The following PFDN2 variants were observed in gnomAD, a reference collection of about 807,000 sequenced individuals.
The protein encoded by PFDN2 is prefoldin subunit 2.
A neutral mutation model predicts 18.3 loss-of-function variants in PFDN2; 7 were observed. That is an observed-to-expected ratio of 0.38 (90% CI 0.22 to 0.72). The LOEUF (loss-of-function observed/expected upper bound fraction) is 0.72. Among genes scored for constraint, PFDN2 ranks in the 30% least tolerant of loss-of-function variants. PFDN2 has a pLI of 0.47. For synonymous variants in PFDN2, 76 were observed against 75.0 expected (o/e 1.01, Z -0.07); for missense variants, 181 against 199.1 (o/e 0.91, Z 0.55).
intron 1 of PFDN2, among the ~76,000 whole-genome samples, chr1:161,112,136 A>G (rs1051125561): frequency 2.6e-5 from 4 of 152,218 alleles, no homozygotes; most frequent in Non-Finnish European, 2.9e-5. Flanking sequence ...CACAGAATGC[A>G]TAAGTATTAA....
intron 1 of PFDN2, among the ~76,000 whole-genome samples, chr1:161,114,136 A>G (rs1654861300): frequency 1.3e-5 from 2 of 152,208 alleles, no homozygotes; most frequent in Admixed American, 6.5e-5. Flanking sequence ...TCAATTCTCA[A>G]ATCTGTATCT....
intron 1 of PFDN2, 44 bp downstream of exon 1, chr1:161,117,908 C>T: frequency 6.5e-7 from 1 of 1,531,880 alleles, no homozygotes; most frequent in Non-Finnish European, 8.9e-7. Flanking sequence ...CGCTAGTATT[C>T]CAGACCCAGG....
chr1:161,108,778 TTC>T (rs1156825250), intron 1 of PFDN2, among the ~76,000 whole-genome samples: 1 of 152,204 alleles, frequency 6.6e-6, no homozygotes, highest in Non-Finnish European at 1.5e-5. Flanking sequence ...ATTATATCTC[TTC>T]TCTTTCCCCA....
Position 161,102,059 on chromosome 1 carries a change from T to A in PFDN2, c.277A>T (p.Asn93Tyr), listed in dbSNP as rs1326274853. Residue 93 changes from asparagine (N) to tyrosine (Y), a missense_variant, in exon 3 of 4, where the codon AAC (asparagine) becomes TAC (tyrosine). Asn to Tyr is a moderately radical substitution (Grantham distance 143). Coordinates refer to ENST00000368010, the MANE Select transcript of PFDN2 (RefSeq NM_012394.4). The part of the protein sequence containing the change: ...VKEVLPALEN[N>Y]KEQIQKIIET... Reference sequence around the variant, plus strand: ...TGATTCTTGCTCACCTGCTCCTTGTTGTTCTCCAAAGCGGGCAGCACCTCT... The same window carrying A: ...TGATTCTTGCTCACCTGCTCCTTGTAGTTCTCCAAAGCGGGCAGCACCTCT... The A allele has an allele frequency of 1.2e-6, 2 of 1,614,232 alleles. No individual in the cohort carries two copies. Among genetic ancestry groups the A allele is most frequent in the Non-Finnish European group, 1.7e-6 (2 of 1,180,032 alleles).
At chr1:161,103,951 T>C (rs1404013420) in intron 1 of PFDN2, among the ~76,000 whole-genome samples, 3 of 152,272 alleles carry the variant, frequency 2.0e-5, no homozygotes, top group East Asian at 3.8e-4. Flanking sequence ...TTCTTAACCA[T>C]GGCTATATGT....
At position 161,100,877 on chromosome 1, in the gene PFDN2, G is replaced by A; in HGVS notation, c.289-18C>T. 6.3e-7 allele frequency: 1 copy of A among 1,598,218 alleles called. No individual in the cohort carries two copies. On this transcript the variant is annotated intron_variant, in intron 3 of 3. Transcript: ENST00000368010. ...TTCTGTATCTAGAGGACAAGTGACA[G>A]GGATTATATAAGGAATTCAGGACTC...
Position 161,118,013 on chromosome 1 carries a change from C to G in PFDN2, c.14G>C (p.Ser5Thr), listed in dbSNP as rs1258773503. 3 of 1,612,144 alleles carry G rather than the reference C, an allele frequency of 1.9e-6. No homozygotes were observed. The highest frequency in any genetic ancestry group is 2.5e-6 in the Non-Finnish European group (3 of 1,179,396). Reference protein sequence around the residue: MAENSGRAGKSSGSG... With the variant: MAENTGRAGKSSGSG... ...CCCGCTGCTCTTGCCGGCGCGACCG[C>G]TGTTCTCCGCCATCTTCGCCGCCTG... The change falls in exon 1 of 4, where the codon AGC becomes ACC. Residue 5 changes from serine to threonine, a missense_variant. By Grantham distance (58) the Ser-to-Thr change is moderately conservative. Coordinates refer to ENST00000368010, the MANE Select transcript of PFDN2 (RefSeq NM_012394.4).
At chr1:161,107,239 T>C (rs912582314) in intron 1 of PFDN2, among the ~76,000 whole-genome samples, 2 of 152,178 alleles carry the variant, frequency 1.3e-5, no homozygotes, top group Non-Finnish European at 2.9e-5. Context: ...TCCTGGCTAA[T>C]ATGGTGAAAC....
chr1:161,112,122 G>A (rs1325780532), intron 1 of PFDN2, among the ~76,000 whole-genome samples: 1 of 152,062 alleles, frequency 6.6e-6, no homozygotes, highest in East Asian at 1.9e-4. Flanking sequence ...ATTAATACCT[G>A]TCTCACAGAA....
chr1:161,117,677 A>G (rs897433561), intron 1 of PFDN2, among the ~76,000 whole-genome samples: 2 of 152,086 alleles, frequency 1.3e-5, no homozygotes, highest in Non-Finnish European at 2.9e-5. Flanking sequence ...GCAGCAAACC[A>G]TCTCCCCTCA....
chr1:161,102,207 A>G (rs1475573295), intron 2 of PFDN2, 36 bp from the exon 3 acceptor site: 1 of 1,613,988 alleles, frequency 6.2e-7, no homozygotes, highest in Admixed American at 1.7e-5. Flanking sequence ...CTGAGGATTC[A>G]GCCCCACTCT....
chr1:161,112,415 T>C (rs987114123), intron 1 of PFDN2, among the ~76,000 whole-genome samples: 3 of 152,224 alleles, frequency 2.0e-5, no homozygotes, highest in African/African-American at 7.2e-5. Context: ...TAGGAAACCT[T>C]AGTTTCATCT....
At chr1:161,108,912 A>G (rs1301005478) in intron 1 of PFDN2, among the ~76,000 whole-genome samples, 1 of 152,188 alleles carries the variant, frequency 6.6e-6, no homozygotes, top group Non-Finnish European at 1.5e-5. Context: ...TTACATGTGT[A>G]CTACTTATTA....
At chr1:161,108,029 C>T (rs1189684798) in intron 1 of PFDN2, among the ~76,000 whole-genome samples, 6 of 150,724 alleles carry the variant, frequency 4.0e-5, no homozygotes, top group South Asian at 2.1e-4. Context: ...GCAAAAGAAT[C>T]GCTTGAACCC....
intron 1 of PFDN2, among the ~76,000 whole-genome samples, chr1:161,117,408 C>G (rs1042242837): frequency 6.6e-6 from 1 of 152,144 alleles, no homozygotes; most frequent in African/African-American, 2.4e-5. Flanking sequence ...AAAATGCAAA[C>G]TCGGATTAGA....
At position 161,102,367 on chromosome 1, in the gene PFDN2, A is replaced by C; in HGVS notation, c.84T>G (p.Ala28=). 2 of 1,613,818 alleles carry C rather than the reference A, an allele frequency of 1.2e-6. No individual in the cohort carries two copies. Among genetic ancestry groups the C allele is most frequent in the Non-Finnish European group, 1.7e-6 (2 of 1,179,668 alleles). ...GTTCCTGCCGAAGGCGGTTGAAGCC[A>C]GCAATCACCTAACAAGGTGAGAGAA... is the stretch of plus-strand genomic sequence containing the variant. The part of the protein sequence containing the change: ...KGAVSAEQVI[A]GFNRLRQEQR... Residue 28 remains alanine (A), a synonymous_variant, in exon 2 of 4, where the codon GCT becomes GCG. Coordinates refer to ENST00000368010, the MANE Select transcript of PFDN2 (RefSeq NM_012394.4).
chr1:161,101,987 C>A, intron 3 of PFDN2, 61 bp downstream of exon 3: 1 of 1,589,678 alleles, frequency 6.3e-7, no homozygotes, highest in East Asian at 2.2e-5. Context: ...CCTGCCTTGG[C>A]CTCCCAAAGT....
At chr1:161,116,162 C>G (rs1654912164) in intron 1 of PFDN2, among the ~76,000 whole-genome samples, 1 of 152,082 alleles carries the variant, frequency 6.6e-6, no homozygotes. Context: ...CCAGGGATTT[C>G]AAGGCTGCAG....
rs1655014209 is a variant in PFDN2 at position 161,117,961 on chromosome 1, G to A, written c.66C>T (p.Ser22=). ...SGSGAGKGAV[S]AEQVIAGFNR... ...GTTAGCCACTCCTCACCTGCTCTGC[G>A]GACACCGCCCCCTTCCCCGCGCCGC... Residue 22 remains serine (S), a synonymous_variant, in exon 1 of 4, where the codon TCC becomes TCT. Transcript: ENST00000368010. 1 of 1,612,266 alleles carries A rather than the reference G, an allele frequency of 6.2e-7. No individual in the cohort carries two copies. The highest frequency in any genetic ancestry group is 8.5e-7 in the Non-Finnish European group (1 of 1,179,146).
Sources: allele counts gnomAD v4.1 joint callset (sites outside exome capture counted in the v4.1 genomes callset), GRCh38; gene constraint gnomAD v4.1.1; transcripts MANE v1.5; gene names NCBI Gene and HGNC (gene_info 2026-07-23, HGNC 2026-07-21).